CTH: variants seen among roughly 807,000 people sequenced by gnomAD.
CTH encodes the protein cystathionase (cystathionine gamma-lyase).
A neutral mutation model predicts 50.6 loss-of-function variants in CTH; 41 were observed. That is an observed-to-expected ratio of 0.81 (90% CI 0.63 to 1.05). The LOEUF is 1.05. Among genes scored for constraint, CTH ranks in the 50% least tolerant of loss-of-function variants. The pLI is 0.00. For synonymous variants in CTH, 156 were observed against 168.9 expected, an observed-to-expected ratio of 0.92 and a Z score of 0.59; for missense variants, 470 against 492.6, an observed-to-expected ratio of 0.95 and a Z score of 0.43.
At position 70,415,968 on chromosome 1, in the gene CTH, A is replaced by C; in HGVS notation, c.181A>C (p.Ser61Arg). 6.2e-7 allele frequency: 1 copy of C among 1,607,576 alleles called. No individual in the cohort carries two copies. The highest frequency in any genetic ancestry group is 8.5e-7 in the Non-Finnish European group (1 of 1,173,984). Residue 61 changes from serine to arginine, a missense_variant, in exon 2 of 12, where the codon AGC (serine) becomes CGC (arginine). Coordinates refer to ENST00000370938, the MANE Select transcript of CTH (RefSeq NM_001902.6). ...APGQHSGFEY[S>R]RSGNPTRNCL... ...TTGTTTTTTTCAGGGTTTTGAATAT[A>C]GCCGTTCTGGAAATCCCACTAGGAA...
intron 1 of CTH, among the ~76,000 whole-genome samples, chr1:70,413,026 T>C (rs1339719257): frequency 6.6e-6 from 1 of 152,076 alleles, no homozygotes; most frequent in Non-Finnish European, 1.5e-5. Flanking sequence ...TGATGGATCT[T>C]AGAGAATTTA....
chr1:70,418,466 T>C (rs1202072007), intron 3 of CTH, among the ~76,000 whole-genome samples: 1 of 152,168 alleles, frequency 6.6e-6, no homozygotes, highest in Non-Finnish European at 1.5e-5. Flanking sequence ...GTCAGGCTGG[T>C]CTGGAACTCC....
intron 2 of CTH, 46 bp downstream of exon 2, chr1:70,416,083 T>C: frequency 1.8e-6 from 2 of 1,127,140 alleles, no homozygotes; most frequent in Admixed American, 3.4e-5. Context: ...TTTAAATGTA[T>C]AGAGAAAACC....
In CTH at chr1:70,421,646, C is replaced by G; in HGVS notation, c.427C>G (p.Leu143Val). Residue 143 changes from leucine (L) to valine (V), a missense_variant, in exon 4 of 12, where the codon CTA becomes GTA. Physicochemically the swap from Leu to Val is conservative, Grantham distance 32. Coordinates refer to ENST00000370938, the MANE Select transcript of CTH (RefSeq NM_001902.6). ...SFVDCSKIKLLEAAITPETKL... is the reference protein window; with the variant it reads ...SFVDCSKIKLVEAAITPETKL... ...TGTTGATTGTTCCAAAATCAAATTA[C>G]TAGAGGCAGCAATTACACCAGAAAC... The G allele has an allele frequency of 6.2e-7, 1 of 1,613,936 alleles. No individual in the cohort carries two copies. The highest frequency in any genetic ancestry group is 2.2e-5 in the East Asian group (1 of 44,794).
intron 8 of CTH, among the ~76,000 whole-genome samples, chr1:70,432,990 G>T (rs953939757): frequency 6.6e-6 from 1 of 151,998 alleles, no homozygotes; most frequent in African/African-American, 2.4e-5. Flanking sequence ...AGCCCCCTGA[G>T]GTTCTCTCCT....
chr1:70,424,340 G>A lies in CTH; in HGVS notation c.512G>A (p.Gly171Asp). The A allele has an allele frequency of 1.2e-6, 2 of 1,614,060 alleles. No homozygotes were observed. Among genetic ancestry groups the A allele is most frequent in the Non-Finnish European group, 1.7e-6 (2 of 1,180,006 alleles). Reference sequence around the variant, plus strand: ...ACCCAGAAGGTGATTGACATTGAAGGCTGTGCACATATTGTCCATAAGCAT... The same window carrying A: ...ACCCAGAAGGTGATTGACATTGAAGACTGTGCACATATTGTCCATAAGCAT... ...NPTQKVIDIE[G>D]CAHIVHKHGD... Residue 171 changes from glycine to aspartate, a missense_variant, in exon 5 of 12, where the codon GGC becomes GAC. Physicochemically the swap from Gly to Asp is moderately conservative, Grantham distance 94. Coordinates refer to ENST00000370938, the MANE Select transcript of CTH (RefSeq NM_001902.6).
At position 70,432,179 on chromosome 1, in the gene CTH, T is replaced by C. The variant is rs1396848376; in HGVS notation, c.821T>C (p.Met274Thr). ...ATGGAAAAGCATTTCAAAAACGGAATGGCAGTTGCCCAGTTCCTGGAATCT... is the reference window on the plus strand; with the variant it reads ...ATGGAAAAGCATTTCAAAAACGGAACGGCAGTTGCCCAGTTCCTGGAATCT... ...VRMEKHFKNGMAVAQFLESNP... is the reference protein window; with the variant it reads ...VRMEKHFKNGTAVAQFLESNP... The change falls in exon 8 of 12, where the codon ATG becomes ACG. Residue 274 changes from methionine to threonine, a missense_variant. Transcript: ENST00000370938. 2 of 1,614,106 alleles carry C rather than the reference T, an allele frequency of 1.2e-6. No individual in the cohort carries two copies. Among genetic ancestry groups the C allele is most frequent in the African/African-American group, 1.3e-5 (1 of 74,950 alleles).
intron 10 of CTH, 125 bp from the exon 11 acceptor site, chr1:70,438,563 T>C (rs1684647203): frequency 2.0e-6 from 2 of 979,996 alleles, no homozygotes; most frequent in Admixed American, 3.6e-5. Context: ...CTGTGAATTA[T>C]AGGGGTATGC....
Position 70,411,373 on chromosome 1 carries a change from A to G in CTH, c.-43A>G, listed in dbSNP as rs1205915906. 1 of 1,610,642 alleles carries G rather than the reference A, an allele frequency of 6.2e-7. No homozygotes were observed. The highest frequency in any genetic ancestry group is 1.7e-5 in the Admixed American group (1 of 60,010). On this transcript the variant is annotated 5_prime_UTR_variant, in exon 1 of 12. The change creates a new upstream start codon in the 5' untranslated region. Transcript: ENST00000370938. The stretch of plus-strand genomic sequence containing the variant: ...CGGACACCCGGCTTCGACTGGTTAT[A>G]TCTTCGGTGTTCTTTTCCTCTCTTC...
intron 1 of CTH, 145 bp downstream of exon 1, chr1:70,411,728 A>C: frequency 7.0e-7 from 1 of 1,421,744 alleles, no homozygotes; most frequent in South Asian, 1.5e-5. Flanking sequence ...TAATTCTTGC[A>C]GCACAGCTTT....
intron 7 of CTH, chr1:70,431,228 A>G (rs551415901): frequency 1.4e-4 from 21 of 152,312 alleles, no homozygotes; most frequent in African/African-American, 5.1e-4. Flanking sequence ...TTATGATATG[A>G]TATAAGAAAT....
chr1:70,432,975 C>T (rs1036292660), intron 8 of CTH, among the ~76,000 whole-genome samples: 18 of 152,274 alleles, frequency 1.2e-4, no homozygotes, highest in East Asian at 1.9e-4. Context: ...TGAGCCACTA[C>T]GCCCAGCCCC....
In CTH at chr1:70,411,526, A is replaced by G. The variant is rs767691130; in HGVS notation, c.111A>G (p.Val37=). The G allele has an allele frequency of 3.1e-6, 5 of 1,614,082 alleles. No homozygotes were observed. The highest frequency in any genetic ancestry group is 3.4e-6 in the Non-Finnish European group (4 of 1,180,050). ...QDPEQWTSRA[V]VPPISLSTTF... ...CAGAGCAATGGACCTCCAGGGCTGT[A>G]GTGCCCCCCATCTCACTGTCCACCA... Residue 37 remains valine, a synonymous_variant, in exon 1 of 12, where the codon GTA becomes GTG. Transcript: ENST00000370938.
At position 70,432,185 on chromosome 1, in the gene CTH, T is replaced by A; in HGVS notation, c.827T>A (p.Val276Asp). Reference protein sequence around the residue: ...MEKHFKNGMAVAQFLESNPWV... With the variant: ...MEKHFKNGMADAQFLESNPWV... ...AAGCATTTCAAAAACGGAATGGCAG[T>A]TGCCCAGTTCCTGGAATCTAATCCT... The change falls in exon 8 of 12, where the codon GTT (valine) becomes GAT (aspartate). Residue 276 changes from valine (V) to aspartate (D), a missense_variant. Val to Asp is a radical substitution (Grantham distance 152). Transcript: ENST00000370938. 6.2e-7 allele frequency: 1 copy of A among 1,614,216 alleles called. No individual in the cohort carries two copies. The highest frequency in any genetic ancestry group is 1.1e-5 in the South Asian group (1 of 91,082).
chr1:70,439,421 C>CTAAGA lies in CTH; in HGVS notation c.*296_*300dup. The CTAAGA allele has an allele frequency of 2.6e-6, 1 of 379,418 alleles. No individual in the cohort carries two copies. Among genetic ancestry groups the CTAAGA allele is most frequent in the Non-Finnish European group, 4.8e-6 (1 of 209,370 alleles). 23.5% of individuals were successfully genotyped at this position (379,418 alleles called of 1,614,324 possible). ...GGGAGATTATGTTCTTTTTTCATGT[C>CTAAGA]TAAGATTTATTTTGATCATGTTTAT... On this transcript the variant is annotated 3_prime_UTR_variant, in exon 12 of 12. Coordinates refer to ENST00000370938, the MANE Select transcript of CTH (RefSeq NM_001902.6).
At chr1:70,413,356 CG>C (rs934520242) in intron 1 of CTH, among the ~76,000 whole-genome samples, 1 of 150,742 alleles carries the variant, frequency 6.6e-6, no homozygotes, top group Non-Finnish European at 1.5e-5. Flanking sequence ...CTCCGCCTCC[CG>C]GGTTCAAGCG....
chr1:70,421,468 G>A (rs1684220176), intron 3 of CTH, 98 bp from the exon 4 acceptor site: 2 of 1,284,308 alleles, frequency 1.6e-6, no homozygotes, highest in Admixed American at 3.6e-5. Flanking sequence ...CTTGGTGACT[G>A]AGAGTTCCAT....
At chr1:70,422,743 CT>C (rs1280732931) in intron 4 of CTH, among the ~76,000 whole-genome samples, 7 of 151,828 alleles carry the variant, frequency 4.6e-5, no homozygotes, top group Non-Finnish European at 1.5e-5. Flanking sequence ...TACCGAGTAG[CT>C]GGGATTACAG....
chr1:70,412,280 C>T (rs965047727), intron 1 of CTH, among the ~76,000 whole-genome samples: 1 of 152,208 alleles, frequency 6.6e-6, no homozygotes, highest in South Asian at 2.1e-4. Flanking sequence ...TAGCCTATTG[C>T]GTCATTTAAG....
Sources: gnomAD v4.1 joint callset for allele counts (sites outside exome capture counted in the v4.1 genomes callset) on GRCh38, gnomAD v4.1.1 for gene constraint, MANE v1.5 for transcripts, NCBI Gene and HGNC (gene_info 2026-07-23, HGNC 2026-07-21) for gene names.